The following BICD1 variants were observed in gnomAD, a reference collection of about 807,000 sequenced individuals.
BICD1 encodes BICD cargo adaptor 1.
BICD1 carries 35 observed loss-of-function variants against 92.5 expected under a neutral mutation model. That is an observed-to-expected ratio of 0.38 (90% confidence interval 0.29 to 0.50). BICD1 has a LOEUF of 0.50. BICD1 is among the 20% of genes least tolerant of loss of function. The probability of loss-of-function intolerance (pLI) is 0.93; values close to 1 mark genes in which losing one functional copy is unlikely to be tolerated. For synonymous variants in BICD1, 429 were observed against 465.1 expected (o/e 0.92, Z 1.00); for missense variants, 950 against 1,189.8 (o/e 0.80, Z 2.97).
At chr12:32,145,094 G>A (rs564692547) in intron 1 of BICD1, among the ~76,000 whole-genome samples, 26 of 152,250 alleles carry the variant, frequency 1.7e-4, no homozygotes, top group Admixed American at 1.6e-3. Context: ...GCACCCCTGT[G>A]CATATATTAT....
chr12:32,324,414 A>T (rs1037331253), intron 4 of BICD1, among the ~76,000 whole-genome samples: 3 of 151,786 alleles, frequency 2.0e-5, no homozygotes, highest in African/African-American at 7.3e-5. Context: ...ATGCTTTGGC[A>T]AATTGTCATC....
At chr12:32,201,493 AG>A (rs936986954) in intron 1 of BICD1, among the ~76,000 whole-genome samples, 3 of 152,062 alleles carry the variant, frequency 2.0e-5, no homozygotes, top group African/African-American at 7.2e-5. Context: ...AAAGAAAGAA[AG>A]GGGGAGCAGG....
At chr12:32,226,606 C>T (rs1001219542) in intron 2 of BICD1, among the ~76,000 whole-genome samples, 2 of 152,164 alleles carry the variant, frequency 1.3e-5, no homozygotes, top group South Asian at 4.1e-4. Flanking sequence ...AGAGTGCAGG[C>T]TGAGTGGCCA....
In BICD1 at chr12:32,359,523, TTAACCCA is replaced by T. The variant is rs1939242990; in HGVS notation, c.2765-8145_2765-8139del. ...ACTCCCATCATAACCCATGAATCCA[TTAACCCA>T]TGAATCCATTAATCCATGAATGGAT... On this transcript the variant is annotated intron_variant, in intron 8 of 9. Coordinates refer to ENST00000652176, the MANE Select transcript of BICD1 (RefSeq NM_001714.4). 1.5e-4 allele frequency among the ~76,000 whole-genome samples: 7 copies of T among 46,890 alleles called. No individual in the cohort carries two copies. In the Admixed American group the frequency reaches 2.0e-3, roughly 13 times the overall value. 30.8% of individuals were successfully genotyped at this position (46,890 alleles called of 152,430 possible).
At chr12:32,122,708 AAAC>A (rs1392847452) in intron 1 of BICD1, among the ~76,000 whole-genome samples, 1 of 152,218 alleles carries the variant, frequency 6.6e-6, no homozygotes, top group Non-Finnish European at 1.5e-5. Context: ...CAGGGTCTCA[AAAC>A]AACAATTACA....
intron 1 of BICD1, among the ~76,000 whole-genome samples, chr12:32,118,564 A>C (rs572611675): frequency 4.6e-5 from 7 of 152,206 alleles, no homozygotes; most frequent in Admixed American, 2.0e-4. Flanking sequence ...AGCTATTTAC[A>C]TAGCATTTAC....
chr12:32,146,869 C>T (rs1485115991), intron 1 of BICD1, among the ~76,000 whole-genome samples: 1 of 138,124 alleles, frequency 7.2e-6, no homozygotes, highest in African/African-American at 2.7e-5. Context: ...CTTCTCCTTC[C>T]TCTTCTTCTT....
intron 2 of BICD1, among the ~76,000 whole-genome samples, chr12:32,222,079 C>T (rs945166990): frequency 3.3e-5 from 5 of 152,122 alleles, no homozygotes; most frequent in Non-Finnish European, 5.9e-5. Flanking sequence ...CTTAATACTA[C>T]TTAATTCTCC....
chr12:32,259,438 A>G (rs568921790), intron 2 of BICD1, among the ~76,000 whole-genome samples: 1 of 152,340 alleles, frequency 6.6e-6, no homozygotes, highest in East Asian at 1.9e-4. Context: ...AGGCTTGGTT[A>G]TCCTAACAGT....
chr12:32,273,540 G>A (rs1355705369), intron 2 of BICD1, among the ~76,000 whole-genome samples: 1 of 152,146 alleles, frequency 6.6e-6, no homozygotes, highest in East Asian at 1.9e-4. Flanking sequence ...GTACAGAAAA[G>A]CCATTATACC....
intron 1 of BICD1, among the ~76,000 whole-genome samples, chr12:32,123,133 A>AT (rs1240678141): frequency 6.6e-6 from 1 of 152,190 alleles, no homozygotes; most frequent in Non-Finnish European, 1.5e-5. Flanking sequence ...AACCCTGGGA[A>AT]TAGGGAGATG....
rs1463176606 is a variant in BICD1 at position 32,382,211 on chromosome 12, T to G, written c.*4584T>G. 1 of 152,138 alleles carries G rather than the reference T, an allele frequency of 6.6e-6. No individual in the cohort carries two copies. Among genetic ancestry groups the G allele is most frequent in the Non-Finnish European group, 1.5e-5 (1 of 67,964 alleles). 9.4% of individuals were successfully genotyped at this position (152,138 alleles called of 1,614,324 possible). A position where few individuals can be genotyped will look rare whatever the true frequency, so the allele number is the denominator to read the frequency against. On this transcript the variant is annotated 3_prime_UTR_variant, in exon 10 of 10. Coordinates refer to ENST00000652176, the MANE Select transcript of BICD1 (RefSeq NM_001714.4). ...ATGTTTACAGCTGAAAGATTTCATC[T>G]AGACATGTCTTTCGTCCTTATTATT... is the stretch of plus-strand genomic sequence containing the variant.
At chr12:32,227,203 G>A (rs888844949) in intron 2 of BICD1, among the ~76,000 whole-genome samples, 1 of 152,196 alleles carries the variant, frequency 6.6e-6, no homozygotes, top group African/African-American at 2.4e-5. Context: ...GCAGCGCCCT[G>A]GATTCTGAGC....
At position 32,338,975 on chromosome 12, in the gene BICD1, A is replaced by G; in HGVS notation, c.2760A>G (p.Pro920=). Residue 920 remains proline, a synonymous_variant, in exon 8 of 10, where the codon CCA becomes CCG. Transcript: ENST00000652176. The stretch of plus-strand genomic sequence containing the variant: ...AGGAAAAAAGGTTAACCGTGGCTCC[A>G]CCAGGTAAACATTTTTTCCTTGGGT... ...LSKEKRLTVA[P]PDCQQPAASV... is the part of the protein sequence containing the mutation. 1 of 1,589,258 alleles carries G rather than the reference A, an allele frequency of 6.3e-7. No individual in the cohort carries two copies. The highest frequency in any genetic ancestry group is 8.5e-7 in the Non-Finnish European group (1 of 1,171,686).
chr12:32,132,187 G>A (rs1335213121), intron 1 of BICD1, among the ~76,000 whole-genome samples: 1 of 152,094 alleles, frequency 6.6e-6, no homozygotes, highest in Non-Finnish European at 1.5e-5. Flanking sequence ...GGAGGCCAAG[G>A]TGGGCAGATC....
chr12:32,155,861 G>A (rs1943420194), intron 1 of BICD1, among the ~76,000 whole-genome samples: 2 of 152,286 alleles, frequency 1.3e-5, no homozygotes, highest in Admixed American at 1.3e-4. Context: ...CCCTAAAAGA[G>A]CCATTTAAAT....
chr12:32,195,624 T>A (rs1944704833), intron 1 of BICD1, among the ~76,000 whole-genome samples: 1 of 152,190 alleles, frequency 6.6e-6, no homozygotes, highest in African/African-American at 2.4e-5. Context: ...TATACAACAA[T>A]TCAAGTGAAT....
chr12:32,360,504 G>A (rs565776253), intron 8 of BICD1, among the ~76,000 whole-genome samples: 47 of 152,230 alleles, frequency 3.1e-4, no homozygotes, highest in African/African-American at 1.1e-3. Flanking sequence ...TATAGAATGG[G>A]GATTGTTAAA....
At chr12:32,360,828 T>A (rs1957107089) in intron 8 of BICD1, among the ~76,000 whole-genome samples, 1 of 152,222 alleles carries the variant, frequency 6.6e-6, no homozygotes, top group African/African-American at 2.4e-5. Context: ...GTCATGATTC[T>A]CATATTTTCT....
Sources: gnomAD v4.1 joint callset for allele counts (sites outside exome capture counted in the v4.1 genomes callset) on GRCh38, gnomAD v4.1.1 for gene constraint, MANE v1.5 for transcripts, NCBI Gene and HGNC (gene_info 2026-07-23, HGNC 2026-07-21) for gene names.